DMD: variants seen among roughly 807,000 people sequenced by gnomAD.
DMD encodes dystrophin, also known as mutant dystrophin.
In DMD, 63 loss-of-function variants were observed where a neutral mutation model predicts 330.1. The observed-to-expected ratio is 0.19, with a 90% CI of 0.16 to 0.24. DMD has a LOEUF of 0.24. Ranked by LOEUF, DMD falls within the 10% of genes least tolerant of loss-of-function variation. DMD has a pLI of 1.00. For missense variants in DMD, 3,344 were observed against 2,684.1 expected (o/e 1.25, Z -5.43); for synonymous variants, 1,223 against 959.8 (o/e 1.27, Z -5.07).
In DMD at chrX:31,758,997, C is replaced by T. The variant is rs183589470; in HGVS notation, c.7542+14963G>A. ...TAACGAAAATATGACATAGAGTTTG[C>T]TATCCTAGTTTTACAGTTGAACAAA... is the stretch of plus-strand genomic sequence containing the variant. On this transcript the variant is annotated intron_variant, in intron 51 of 78. Transcript: ENST00000357033. 4.5e-5 allele frequency among the ~76,000 whole-genome samples: 5 copies of T among 111,644 alleles called. No homozygotes were observed. The East Asian group carries it at 1.4e-3, about 31-fold the overall frequency.
intron 22 of DMD, among the ~76,000 whole-genome samples, chrX:32,471,948 T>G (rs1170828200): frequency 8.9e-6 from 1 of 112,088 alleles, no homozygotes; most frequent in Non-Finnish European, 1.9e-5. Flanking sequence ...ATCATACAAT[T>G]GTTTTCAAAA....
At chrX:32,803,168 A>G in intron 7 of DMD, among the ~76,000 whole-genome samples, 1 of 111,188 alleles carries the variant, frequency 9.0e-6, no homozygotes, top group East Asian at 2.9e-4. Context: ...CTATTCAGGG[A>G]TTTGACTTCT....
intron 53 of DMD, among the ~76,000 whole-genome samples, chrX:31,664,664 G>GTTT (rs57784016): frequency 0.012 from 1,024 of 82,200 alleles, 8 homozygotes; most frequent in Non-Finnish European, 0.016. Context: ...TGTATCATAA[G>GTTT]TTTTTTTTTT....
chrX:33,154,456 G>A (rs547965343), intron 1 of DMD, among the ~76,000 whole-genome samples: 1 of 111,454 alleles, frequency 9.0e-6, no homozygotes, highest in African/African-American at 3.3e-5. Flanking sequence ...TAAATTAGGT[G>A]TATCTCCTCA....
chrX:32,544,624 C>A (rs1330571626), intron 17 of DMD, among the ~76,000 whole-genome samples: 1 of 110,977 alleles, frequency 9.0e-6, no homozygotes, highest in African/African-American at 3.3e-5. Context: ...AATTCTAACA[C>A]CTTCAAGATA....
chrX:32,092,544 T>A (rs1342634914), intron 44 of DMD, among the ~76,000 whole-genome samples: 1 of 111,169 alleles, frequency 9.0e-6, no homozygotes, highest in African/African-American at 3.3e-5. Context: ...GATTTTCATA[T>A]GCTATCTCAT....
chrX:33,025,176 A>G (rs2093973805), intron 1 of DMD, among the ~76,000 whole-genome samples: 1 of 112,380 alleles, frequency 8.9e-6, no homozygotes, highest in Non-Finnish European at 1.9e-5. Context: ...GGAGAAGGTA[A>G]TGGGTAGGTT....
chrX:32,664,391 G>A (rs1164982173), intron 9 of DMD, among the ~76,000 whole-genome samples: 4 of 109,557 alleles, frequency 3.7e-5, no homozygotes, highest in Admixed American at 9.8e-5. Context: ...ACAGGCACCT[G>A]CCACCACGGC....
chrX:31,490,554 CA>C (rs897943771), intron 57 of DMD, among the ~76,000 whole-genome samples: 1 of 103,698 alleles, frequency 9.6e-6, no homozygotes, highest in Non-Finnish European at 2.0e-5. Flanking sequence ...GACTCCATCT[CA>C]AAAAAAAATT....
chrX:32,830,304 T>C (rs954094189), intron 4 of DMD, among the ~76,000 whole-genome samples: 1 of 111,798 alleles, frequency 8.9e-6, no homozygotes, highest in Admixed American at 9.5e-5. Context: ...ATGTTTTTTT[T>C]TCTAATACAC....
intron 41 of DMD, among the ~76,000 whole-genome samples, chrX:32,315,571 C>T (rs2097580191): frequency 9.1e-6 from 1 of 110,327 alleles, no homozygotes; most frequent in Admixed American, 9.7e-5. Context: ...ATTAGATTCA[C>T]TTAGAAAATA....
intron 62 of DMD, among the ~76,000 whole-genome samples, chrX:31,321,295 C>A (rs1301365031): frequency 1.8e-5 from 2 of 109,920 alleles, no homozygotes; most frequent in Non-Finnish European, 3.8e-5. Flanking sequence ...AATTAGAAAC[C>A]AAGGTTTGGC....
At chrX:31,657,243 A>G (rs1040468287) in intron 54 of DMD, among the ~76,000 whole-genome samples, 2 of 112,055 alleles carry the variant, frequency 1.8e-5, no homozygotes, top group African/African-American at 3.2e-5. Flanking sequence ...TCATTCAAAA[A>G]ACATTTACTA....
chrX:32,684,738 A>G (rs2062725176), intron 9 of DMD, among the ~76,000 whole-genome samples: 1 of 111,034 alleles, frequency 9.0e-6, no homozygotes, highest in African/African-American at 3.3e-5. Flanking sequence ...ATACTTAATG[A>G]TATATGGGCT....
chrX:31,943,536 C>G (rs1294651816), intron 45 of DMD, among the ~76,000 whole-genome samples: 1 of 111,775 alleles, frequency 8.9e-6, no homozygotes, highest in Non-Finnish European at 1.9e-5. Context: ...GTCAAAAGAC[C>G]TATGCCTCTG....
chrX:32,408,750 A>T (rs1168903376), intron 30 of DMD, among the ~76,000 whole-genome samples: 1 of 112,116 alleles, frequency 8.9e-6, no homozygotes, highest in Non-Finnish European at 1.9e-5. Context: ...TAGTGCACTA[A>T]TATTTTAATT....
intron 44 of DMD, among the ~76,000 whole-genome samples, chrX:32,142,540 C>T (rs913948328): frequency 8.9e-6 from 1 of 112,153 alleles, no homozygotes; most frequent in African/African-American, 3.2e-5. Flanking sequence ...TAACACAGGA[C>T]ATTATAATTT....
chrX:32,386,227 A>T (rs1223192660), intron 33 of DMD, 83 bp downstream of exon 33: 9 of 1,074,738 alleles, frequency 8.4e-6, no homozygotes, highest in Non-Finnish European at 1.2e-5. Context: ...CTAAGACTCT[A>T]ATCATACATA....
chrX:32,361,340 A>T (rs1036534265), intron 37 of DMD, among the ~76,000 whole-genome samples: 8 of 111,571 alleles, frequency 7.2e-5, no homozygotes, highest in Non-Finnish European at 1.1e-4. Context: ...GGTAATAATG[A>T]CTGACTCAAA....
Sources: allele counts gnomAD v4.1 joint callset (sites outside exome capture counted in the v4.1 genomes callset), GRCh38; gene constraint gnomAD v4.1.1; transcripts MANE v1.5; gene names NCBI Gene and HGNC (gene_info 2026-07-23, HGNC 2026-07-21).